Variants in XPO7 observed in about 807,000 individuals in gnomAD.
The protein encoded by XPO7 is exportin-7.
Under a neutral mutation model 144.3 loss-of-function variants are expected in XPO7, and 21 were observed. The observed-to-expected ratio is 0.15, with a 90% CI of 0.10 to 0.21. XPO7 has a LOEUF of 0.21. Among genes scored for constraint, XPO7 ranks in the 10% least tolerant of loss-of-function variants. The pLI is 1.00. For synonymous variants in XPO7, 580 were observed against 499.6 expected (o/e 1.16, Z -2.15); for missense variants, 808 against 1,325.8 (o/e 0.61, Z 6.06).
Position 21,981,845 on chromosome 8 carries a change from T to C in XPO7, c.1072T>C (p.Leu358=). The C allele has an allele frequency of 6.2e-7, 1 of 1,614,010 alleles. No individual in the cohort carries two copies. The highest frequency in any genetic ancestry group is 1.1e-5 in the South Asian group (1 of 91,084). Residue 358 remains leucine (L), a synonymous_variant, in exon 10 of 28, where the codon TTG becomes CTG. Coordinates refer to ENST00000252512, the MANE Select transcript of XPO7 (RefSeq NM_015024.5). ...GGAAAACTACCCTGAGGTCATCCGA[T>C]TGATAGCCAACTTCACAGTGACCAG... ...KVENYPEVIR[L]IANFTVTSLQ...
chr8:21,925,824 T>G (rs1442577115), intron 1 of XPO7, among the ~76,000 whole-genome samples: 1 of 152,204 alleles, frequency 6.6e-6, no homozygotes, highest in Admixed American at 6.5e-5. Flanking sequence ...TTTGTAAAAT[T>G]CCTTAAAATA....
chr8:21,995,604 G>A lies in XPO7; in HGVS notation c.2345+5G>A. On this transcript the variant is annotated splice_donor_5th_base_variant and intron_variant, in intron 21 of 27. Coordinates refer to ENST00000252512, the MANE Select transcript of XPO7 (RefSeq NM_015024.5). ...GGCTGAATTGGTTCATAATAGGTAA[G>A]CAGGAGGCAGAGCTTGCAAGGGCAC... 1 of 1,585,110 alleles carries A rather than the reference G, an allele frequency of 6.3e-7. No homozygotes were observed. Among genetic ancestry groups the A allele is most frequent in the Non-Finnish European group, 8.6e-7 (1 of 1,163,108 alleles).
intron 6 of XPO7, among the ~76,000 whole-genome samples, chr8:21,975,541 C>A (rs1812199304): frequency 6.6e-6 from 1 of 152,180 alleles, no homozygotes; most frequent in African/African-American, 2.4e-5. Flanking sequence ...CAACATTTCC[C>A]AATTTTAGTT....
chr8:21,950,950 C>T (rs936936141), intron 1 of XPO7, among the ~76,000 whole-genome samples: 4 of 151,120 alleles, frequency 2.6e-5, no homozygotes, highest in Non-Finnish European at 5.9e-5. Flanking sequence ...AACAAAACCT[C>T]GACTCTACAA....
At chr8:21,924,454 C>G (rs548542486) in intron 1 of XPO7, among the ~76,000 whole-genome samples, 5 of 151,918 alleles carry the variant, frequency 3.3e-5, no homozygotes, top group African/African-American at 9.7e-5. Flanking sequence ...CCCTCCCCCC[C>G]CCACCCCACT....
intron 1 of XPO7, among the ~76,000 whole-genome samples, chr8:21,952,819 C>T (rs1219450500): frequency 2.6e-5 from 4 of 152,124 alleles, no homozygotes; most frequent in Admixed American, 1.3e-4. Flanking sequence ...AGCTAAGATA[C>T]AAAATGTCAT....
chr8:21,986,247 G>A (rs774849089), intron 13 of XPO7, among the ~76,000 whole-genome samples: 10 of 150,700 alleles, frequency 6.6e-5, no homozygotes, highest in Non-Finnish European at 1.3e-4. Context: ...AGGTTCTCCC[G>A]GGTTCAAGCG....
chr8:22,001,284 G>A (rs184162672), intron 24 of XPO7, among the ~76,000 whole-genome samples: 51 of 151,566 alleles, frequency 3.4e-4, no homozygotes, highest in Admixed American at 3.1e-3. Flanking sequence ...ACTCCAGCCC[G>A]GGCGACAGAA....
intron 1 of XPO7, among the ~76,000 whole-genome samples, chr8:21,962,437 G>C (rs1811756236): frequency 6.6e-6 from 1 of 152,190 alleles, no homozygotes; most frequent in Admixed American, 6.5e-5. Context: ...TTTTTTGTCT[G>C]GTTGGTTTTG....
chr8:21,969,609 A>G, intron 3 of XPO7, 33 bp downstream of exon 3: 2 of 1,579,334 alleles, frequency 1.3e-6, no homozygotes, highest in South Asian at 1.1e-5. Context: ...TGTCTTGAAG[A>G]AAATAGTTTG....
At chr8:21,955,534 T>G (rs1324040017) in intron 1 of XPO7, among the ~76,000 whole-genome samples, 2 of 152,142 alleles carry the variant, frequency 1.3e-5, no homozygotes, top group African/African-American at 4.8e-5. Flanking sequence ...TGGTGATGAT[T>G]CTGTGAACAT....
intron 16 of XPO7, among the ~76,000 whole-genome samples, chr8:21,989,288 C>T (rs1030966722): frequency 6.6e-6 from 1 of 152,214 alleles, no homozygotes; most frequent in Non-Finnish European, 1.5e-5. Flanking sequence ...GACACCCAAC[C>T]TGATAGTTTA....
intron 9 of XPO7, among the ~76,000 whole-genome samples, chr8:21,980,855 T>C (rs1222714102): frequency 6.6e-6 from 1 of 152,142 alleles, no homozygotes; most frequent in African/African-American, 2.4e-5. Flanking sequence ...CCTAAGTATA[T>C]AGGGCTGCTT....
chr8:21,958,447 C>T (rs2117306149), intron 1 of XPO7, among the ~76,000 whole-genome samples: 1 of 152,306 alleles, frequency 6.6e-6, no homozygotes, highest in Middle Eastern at 3.4e-3. Flanking sequence ...AGCACAGTAA[C>T]TCATGACTGA....
intron 19 of XPO7, among the ~76,000 whole-genome samples, chr8:21,993,166 C>T (rs1812825487): frequency 6.6e-6 from 1 of 152,154 alleles, no homozygotes; most frequent in African/African-American, 2.4e-5. Context: ...AGAGTATCAA[C>T]CAATATCAAG....
intron 15 of XPO7, 26 bp from the exon 16 acceptor site, chr8:21,988,977 C>CA (rs776723188): frequency 6.3e-6 from 9 of 1,433,516 alleles, no homozygotes; most frequent in Non-Finnish European, 5.7e-6. Context: ...GGGTCTCCTG[C>CA]TTTTTTTTTT....
At chr8:22,002,762 A>G (rs1464502750) in intron 25 of XPO7, among the ~76,000 whole-genome samples, 2 of 151,852 alleles carry the variant, frequency 1.3e-5, no homozygotes, top group Non-Finnish European at 2.9e-5. Flanking sequence ...AGATAAGGAA[A>G]TGGGATCAGT....
At chr8:21,925,991 G>A (rs1035770851) in intron 1 of XPO7, among the ~76,000 whole-genome samples, 10 of 151,976 alleles carry the variant, frequency 6.6e-5, no homozygotes, top group African/African-American at 2.2e-4. Flanking sequence ...AAACAGTAAC[G>A]AAAGAGGTCT....
At chr8:21,920,907 A>G (rs552824952) in intron 1 of XPO7, among the ~76,000 whole-genome samples, 5 of 152,158 alleles carry the variant, frequency 3.3e-5, no homozygotes, top group Non-Finnish European at 5.9e-5. Flanking sequence ...ATACGTCTAC[A>G]AGAATCTGGA....
Sources: allele counts gnomAD v4.1 joint callset (sites outside exome capture counted in the v4.1 genomes callset), GRCh38; gene constraint gnomAD v4.1.1; transcripts MANE v1.5; gene names NCBI Gene and HGNC (gene_info 2026-07-23, HGNC 2026-07-21).